RERE: variants seen among roughly 807,000 people sequenced by gnomAD.
RERE encodes arginine-glutamic acid dipeptide repeats protein.
RERE carries 40 observed loss-of-function variants against 146.1 expected under a neutral mutation model. The ratio of observed to expected loss-of-function variants is 0.27; its 90% CI spans 0.21 to 0.36. The LOEUF is 0.36. Among genes scored for constraint, RERE ranks in the 10% least tolerant of loss-of-function variants. The probability of loss-of-function intolerance (pLI) is 1.00; values close to 1 mark genes in which losing one functional copy is unlikely to be tolerated. For synonymous variants in RERE, 1,003 were observed against 866.0 expected, an observed-to-expected ratio of 1.16 and a Z score of -2.78; for missense variants, 1,933 against 2,138.7, an observed-to-expected ratio of 0.90 and a Z score of 1.90.
chr1:8,418,298 G>C (rs1179384045), intron 12 of RERE, among the ~76,000 whole-genome samples: 1 of 152,216 alleles, frequency 6.6e-6, no homozygotes, highest in African/African-American at 2.4e-5. Flanking sequence ...AATGACACAA[G>C]CTTAATCTTC....
intron 1 of RERE, among the ~76,000 whole-genome samples, chr1:8,793,090 G>C (rs1430860244): frequency 6.9e-6 from 1 of 145,602 alleles, no homozygotes; most frequent in Non-Finnish European, 1.5e-5. Context: ...CCAGGAGGCA[G>C]AGGTTGCAGT....
At chr1:8,605,980 T>C (rs1404300193) in intron 4 of RERE, among the ~76,000 whole-genome samples, 1 of 150,708 alleles carries the variant, frequency 6.6e-6, no homozygotes, top group Non-Finnish European at 1.5e-5. Context: ...AAGTAGCAGA[T>C]AACTTTTGAA....
chr1:8,701,230 C>G (rs1639439834), intron 1 of RERE, among the ~76,000 whole-genome samples: 1 of 151,508 alleles, frequency 6.6e-6, no homozygotes, highest in Non-Finnish European at 1.5e-5. Flanking sequence ...CCCTAACCTA[C>G]AATGTAAAAA....
intron 12 of RERE, among the ~76,000 whole-genome samples, chr1:8,373,353 G>C (rs1486436261): frequency 6.6e-6 from 1 of 152,076 alleles, no homozygotes; most frequent in African/African-American, 2.4e-5. Flanking sequence ...ATGCCCCACA[G>C]TGAGCATCTG....
chr1:8,398,159 G>C (rs1248824266), intron 12 of RERE, among the ~76,000 whole-genome samples: 2 of 152,240 alleles, frequency 1.3e-5, no homozygotes, highest in African/African-American at 2.4e-5. Flanking sequence ...TTTCCACATG[G>C]AGTAACAGAA....
rs767512923 is a variant in RERE, at chr1:8,358,182, G to A, written c.4339+14C>T. 5 of 1,576,024 alleles carry A rather than the reference G, an allele frequency of 3.2e-6. No individual in the cohort carries two copies. Among genetic ancestry groups the A allele is most frequent in the Non-Finnish European group, 2.6e-6 (3 of 1,153,596 alleles). On this transcript the variant is annotated intron_variant, in intron 20 of 22. Coordinates refer to ENST00000400908, the MANE Select transcript of RERE (RefSeq NM_001042681.2). Reference sequence around the variant, plus strand: ...CCCGTGCCTCTGTCCCACCTGCCACGCTGGGGCACGCACCTTGGTGGAGGG... The same window carrying A: ...CCCGTGCCTCTGTCCCACCTGCCACACTGGGGCACGCACCTTGGTGGAGGG...
chr1:8,757,111 A>G (rs1471116411), intron 1 of RERE, among the ~76,000 whole-genome samples: 1 of 148,558 alleles, frequency 6.7e-6, no homozygotes, highest in African/African-American at 2.5e-5. Context: ...AAAAAAAAAA[A>G]GCAAACCAGT....
chr1:8,779,091 C>G (rs181806988), intron 1 of RERE, among the ~76,000 whole-genome samples: 131 of 151,080 alleles, frequency 8.7e-4, no homozygotes, highest in Middle Eastern at 3.4e-3. Flanking sequence ...AAGTAATCTG[C>G]CTGCCTCAGC....
At chr1:8,770,624 T>C (rs1256371932) in intron 1 of RERE, among the ~76,000 whole-genome samples, 1 of 152,214 alleles carries the variant, frequency 6.6e-6, no homozygotes, top group Non-Finnish European at 1.5e-5. Flanking sequence ...AACAACACTG[T>C]GGCAAACTGT....
intron 6 of RERE, among the ~76,000 whole-genome samples, chr1:8,553,399 T>C (rs1013826780): frequency 8.0e-5 from 12 of 149,882 alleles, no homozygotes; most frequent in Admixed American, 3.3e-4. Context: ...CGCGTCCACA[T>C]GCACGAGACA....
intron 12 of RERE, among the ~76,000 whole-genome samples, chr1:8,406,037 C>CTTTA (rs889516186): frequency 3.3e-5 from 5 of 152,100 alleles, no homozygotes; most frequent in Non-Finnish European, 7.3e-5. Context: ...CAAAGCCAAA[C>CTTTA]TTAAATGTAC....
At position 8,501,033 on chromosome 1, in the gene RERE, G is replaced by GGA. The variant is rs1553175869; in HGVS notation, c.880-3505_880-3504insTC. ...GCCCGGCAGCCACCCCGTCCGGGAG[G>GGA]GGGGGGGGGGGTCAGCCCCCCGCCC... is the stretch of plus-strand genomic sequence containing the variant. On this transcript the variant is annotated intron_variant, in intron 8 of 22. Transcript: ENST00000400908. Among the ~76,000 whole-genome samples the GGA allele has an allele frequency of 2.1e-4, 25 of 118,138 alleles. 1 individual carries two copies. The highest frequency in any genetic ancestry group is 1.0e-3 in the African/African-American group (25 of 25,104). The allele number at this position is 118,138 out of a possible 152,430, so 77.5% of individuals were successfully genotyped here.
At chr1:8,389,463 C>T (rs992879915) in intron 12 of RERE, among the ~76,000 whole-genome samples, 9 of 152,184 alleles carry the variant, frequency 5.9e-5, no homozygotes, top group Non-Finnish European at 7.3e-5. Context: ...TGCTGCTGTG[C>T]GGCTCAGTGG....
chr1:8,493,145 TG>T (rs926781968), intron 10 of RERE, among the ~76,000 whole-genome samples: 1 of 152,174 alleles, frequency 6.6e-6, no homozygotes, highest in African/African-American at 2.4e-5. Flanking sequence ...ACTTTCTCTT[TG>T]TACACACACT....
intron 1 of RERE, among the ~76,000 whole-genome samples, chr1:8,795,718 C>T (rs1641457021): frequency 6.6e-6 from 1 of 152,130 alleles, no homozygotes; most frequent in Non-Finnish European, 1.5e-5. Flanking sequence ...CACAGTGGCT[C>T]ACGCCTGTAA....
chr1:8,721,934 G>A (rs1639872156), intron 1 of RERE, among the ~76,000 whole-genome samples: 1 of 152,142 alleles, frequency 6.6e-6, no homozygotes. Flanking sequence ...CATTTGCTTT[G>A]CTGCGCTTTG....
At chr1:8,658,649 C>T (rs1055153107) in intron 1 of RERE, among the ~76,000 whole-genome samples, 18 of 151,464 alleles carry the variant, frequency 1.2e-4, no homozygotes, top group Admixed American at 9.2e-4. Context: ...CCCAGCTACT[C>T]GGGAGGCTGA....
At chr1:8,389,868 C>T (rs963056665) in intron 12 of RERE, among the ~76,000 whole-genome samples, 1 of 152,208 alleles carries the variant, frequency 6.6e-6, no homozygotes, top group African/African-American at 2.4e-5. Context: ...CTCTTAAACG[C>T]ATCCACTTCT....
At chr1:8,384,479 A>G (rs1009112210) in intron 12 of RERE, among the ~76,000 whole-genome samples, 5 of 152,222 alleles carry the variant, frequency 3.3e-5, no homozygotes, top group African/African-American at 1.2e-4. Context: ...AACTCAAGCA[A>G]TCATTTAAAC....
Sources: gnomAD v4.1 joint callset for allele counts (sites outside exome capture counted in the v4.1 genomes callset) on GRCh38, gnomAD v4.1.1 for gene constraint, MANE v1.5 for transcripts, NCBI Gene and HGNC (gene_info 2026-07-23, HGNC 2026-07-21) for gene names.